Variants in MCF2L observed in about 807,000 individuals in gnomAD.
MCF2L encodes the protein guanine nucleotide exchange factor DBS.
A neutral mutation model predicts 153.4 loss-of-function variants in MCF2L; 97 were observed. The ratio of observed to expected loss-of-function variants is 0.63; its 90% CI spans 0.54 to 0.75. The LOEUF (loss-of-function observed/expected upper bound fraction) is 0.75. Among genes scored for constraint, MCF2L ranks in the 30% least tolerant of loss-of-function variants. The pLI is 0.00. For synonymous variants in MCF2L, 659 were observed against 632.2 expected (o/e 1.04, Z -0.64); for missense variants, 1,347 against 1,495.2 (o/e 0.90, Z 1.64).
chr13:112,948,920 G>A (rs1466676096), intron 2 of MCF2L, among the ~76,000 whole-genome samples: 1 of 152,140 alleles, frequency 6.6e-6, no homozygotes, highest in African/African-American at 2.4e-5. Flanking sequence ...ACAAAAATTA[G>A]CCAGGCGTGG....
At position 113,043,650 on chromosome 13, in the gene MCF2L, G is replaced by A. The variant is rs75004145; in HGVS notation, c.279-1621G>A. 1,396 of 152,380 alleles carry A rather than the reference G, an allele frequency of 9.2e-3. 16 individuals carry two copies. The highest frequency in any genetic ancestry group is 0.017 in the South Asian group (83 of 4,830). The allele number at this position is 152,380 out of a possible 1,614,324, so 9.4% of individuals were successfully genotyped here. On this transcript the variant is annotated intron_variant, in intron 3 of 29. Coordinates refer to ENST00000535094, the MANE Select transcript of MCF2L (RefSeq NM_001112732.3). ...TGTGTCTCACAGTTCAGAAAAAGTC[G>A]TCAAAGTGCTCAGACTCAAGAAGTA... is the stretch of plus-strand genomic sequence containing the variant.
chr13:113,082,442 A>T lies in MCF2L; in HGVS notation c.1891A>T (p.Met631Leu). The change falls in exon 17 of 30, where the codon ATG (methionine) becomes TTG (leucine). Residue 631 changes from methionine (M) to leucine (L), a missense_variant. By Grantham distance (15) the Met-to-Leu change is conservative. This residue lies in a region of MCF2L where 820 missense variants were observed against 921.2 expected (regional missense o/e 0.89). Transcript: ENST00000535094. ...LCVLEGYAAE[M>L]DNPLMAHLLS... ...CTCCCTGCAGGGCTACGCCGCGGAG[A>T]TGGATAACCCACTGATGGCTCACCT... is the stretch of plus-strand genomic sequence containing the variant. The T allele has an allele frequency of 1.2e-6, 2 of 1,613,284 alleles. No homozygotes were observed. The highest frequency in any genetic ancestry group is 1.7e-6 in the Non-Finnish European group (2 of 1,179,380).
rs546500102 is a variant in MCF2L at position 113,070,304 on chromosome 13, C to T, written c.996+131C>T. The T allele has an allele frequency of 3.7e-4, 198 of 536,882 alleles. No individual in the cohort carries two copies. Among genetic ancestry groups the T allele is most frequent in the Non-Finnish European group, 4.9e-4 (156 of 317,802 alleles). 33.3% of individuals were successfully genotyped at this position (536,882 alleles called of 1,614,324 possible). A position where few individuals can be genotyped will look rare whatever the true frequency, so the allele number is the denominator to read the frequency against. ...CTTTGGCTTAATGCAGAAAAGTCTCCGCTTGCCAGGTGGAGCCTGTGAGAT... is the reference window on the plus strand; with the variant it reads ...CTTTGGCTTAATGCAGAAAAGTCTCTGCTTGCCAGGTGGAGCCTGTGAGAT... On this transcript the variant is annotated intron_variant, in intron 9 of 29. Coordinates refer to ENST00000535094, the MANE Select transcript of MCF2L (RefSeq NM_001112732.3). The surrounding 1 kb of genome is among the most constrained non-coding windows in gnomAD (Gnocchi z 5.6).
chr13:112,933,316 AC>A (rs2081482703), intron 2 of MCF2L, among the ~76,000 whole-genome samples: 1 of 152,176 alleles, frequency 6.6e-6, no homozygotes, highest in Admixed American at 6.5e-5. Context: ...TGTTCCTCCC[AC>A]CAGGAGCTCC....
At chr13:112,985,525 G>C (rs760106462) in intron 1 of MCF2L, 6 of 465,230 alleles carry the variant, frequency 1.3e-5, no homozygotes, top group Non-Finnish European at 2.2e-5. Context: ...TGGTGTGCTC[G>C]GAGCAGTCGA....
chr13:113,078,237 C>T (rs77095475), intron 13 of MCF2L, 126 bp from the exon 14 acceptor site: 42 of 752,382 alleles, frequency 5.6e-5, no homozygotes, highest in South Asian at 3.9e-4. Context: ...GTCCTGCCCA[C>T]GCCACCACCT....
chr13:113,004,881 G>A (rs749537979), intron 1 of MCF2L, among the ~76,000 whole-genome samples: 9 of 152,252 alleles, frequency 5.9e-5, no homozygotes, highest in Non-Finnish European at 8.8e-5. Context: ...ATGGCAGCCC[G>A]TGCATGCTGT....
At chr13:112,898,435 C>A (rs925824681) in intron 1 of MCF2L, among the ~76,000 whole-genome samples, 1 of 152,154 alleles carries the variant, frequency 6.6e-6, no homozygotes, top group African/African-American at 2.4e-5. Flanking sequence ...GCACCATCCC[C>A]GTGAACCGAG....
At chr13:113,059,555 TCAG>T (rs1373297276) in intron 4 of MCF2L, among the ~76,000 whole-genome samples, 4 of 152,260 alleles carry the variant, frequency 2.6e-5, no homozygotes, top group Non-Finnish European at 4.4e-5. Context: ...TCCCTGGATT[TCAG>T]CATCTGGACA....
intron 3 of MCF2L, among the ~76,000 whole-genome samples, chr13:113,036,603 C>T (rs2086169229): frequency 6.6e-6 from 1 of 152,206 alleles, no homozygotes; most frequent in Non-Finnish European, 1.5e-5. Flanking sequence ...AGCAGCCACC[C>T]ACAGAAGGAC....
rs779272546 is a variant in MCF2L, at chr13:112,932,064, C to T, written c.169+29693C>T. ...TGTTGTCACGAGGGGAGCTCAGAAC[C>T]CTACTTCCTGAGTGTGGGATGTGCG... On this transcript the variant is annotated intron_variant, in intron 2 of 29. Transcript: ENST00000375608. The surrounding 1 kb of genome is among the most constrained non-coding windows in gnomAD (Gnocchi z 4.6). Among the ~76,000 whole-genome samples the T allele has an allele frequency of 6.6e-6, 1 of 152,156 alleles. No individual in the cohort carries two copies. The highest frequency in any genetic ancestry group is 1.5e-5 in the Non-Finnish European group (1 of 68,032).
chr13:113,052,718 CAAA>C (rs2087434929), intron 4 of MCF2L: 1 of 152,164 alleles, frequency 6.6e-6, no homozygotes. Flanking sequence ...TCACAGTGAA[CAAA>C]CCTCAGCTGT....
intron 1 of MCF2L, chr13:112,985,390 A>G (rs1186467938): frequency 2.1e-6 from 1 of 470,728 alleles, no homozygotes; most frequent in Non-Finnish European, 4.4e-6. Context: ...GCCATGGGGG[A>G]CGGAAAGGCT....
chr13:112,999,501 T>A (rs1445722536), intron 1 of MCF2L, among the ~76,000 whole-genome samples: 1 of 152,208 alleles, frequency 6.6e-6, no homozygotes, highest in Non-Finnish European at 1.5e-5. Context: ...GTCCTCTTTT[T>A]CGGCTGATCT....
Position 113,082,413 on chromosome 13 carries a change from C to A in MCF2L, c.1876-14C>A. The A allele has an allele frequency of 6.3e-7, 1 of 1,580,070 alleles. No homozygotes were observed. Among genetic ancestry groups the A allele is most frequent in the Non-Finnish European group, 8.7e-7 (1 of 1,149,422 alleles). On this transcript the variant is annotated splice_polypyrimidine_tract_variant and intron_variant, in intron 16 of 29. Transcript: ENST00000535094. ...GGCCCAGGACCCCCGCCGACCTCTGCGCTCTCCCTGCAGGGCTACGCCGCG... is the reference window on the plus strand; with the variant it reads ...GGCCCAGGACCCCCGCCGACCTCTGAGCTCTCCCTGCAGGGCTACGCCGCG...
chr13:113,026,477 G>T (rs1594733448), intron 3 of MCF2L, among the ~76,000 whole-genome samples: 1 of 152,234 alleles, frequency 6.6e-6, no homozygotes, highest in Non-Finnish European at 1.5e-5. Context: ...GAGCTCGGAG[G>T]CCCACCTGGA....
chr13:113,007,916 CTTTTTTTT>C (rs55800416), intron 1 of MCF2L, among the ~76,000 whole-genome samples: 1 of 112,968 alleles, frequency 8.9e-6, no homozygotes, highest in Admixed American at 9.0e-5. Context: ...TTTTCTTTTT[CTTTTTTTT>C]TTTTTTTTTT....
intron 2 of MCF2L, among the ~76,000 whole-genome samples, chr13:112,940,244 A>G (rs2152927): frequency 0.4 from 60,605 of 152,092 alleles, 12,407 homozygotes; most frequent in East Asian, 0.62. Flanking sequence ...GTGTTTTATG[A>G]TAAGTAATTT....
chr13:113,097,781 C>A lies in MCF2L; in HGVS notation c.*922C>A, dbSNP rs1004029239. 1 of 152,056 alleles carries A rather than the reference C, an allele frequency of 6.6e-6. No individual in the cohort carries two copies. The highest frequency in any genetic ancestry group is 6.5e-5 in the Admixed American group (1 of 15,270). 9.4% of individuals were successfully genotyped at this position (152,056 alleles called of 1,614,324 possible). ...AGGGTGTGGCGTGGACCAGTGCTGC[C>A]GACCATAGCTCAGAGAGCCCTGCCC... is the stretch of plus-strand genomic sequence containing the variant. On this transcript the variant is annotated 3_prime_UTR_variant, in exon 30 of 30. Coordinates refer to ENST00000535094, the MANE Select transcript of MCF2L (RefSeq NM_001112732.3).
Sources: gnomAD v4.1 joint callset for allele counts (sites outside exome capture counted in the v4.1 genomes callset) on GRCh38, gnomAD v4.1.1 for gene constraint, gnomAD v4.1.1 regional missense constraint, Gnocchi (gnomAD v3.1) non-coding constraint, MANE v1.5 for transcripts, NCBI Gene and HGNC (gene_info 2026-07-23, HGNC 2026-07-21) for gene names.